Variants in ATAD2B observed in about 807,000 individuals in gnomAD.
ATAD2B encodes the protein ATPase family AAA domain containing 2B, also known as ATPase family AAA domain-containing protein 2B.
ATAD2B carries 40 observed loss-of-function variants against 167.6 expected under a neutral mutation model. The observed-to-expected ratio is 0.24, with a 90% CI of 0.19 to 0.31. The LOEUF is 0.31. ATAD2B is among the 10% of genes least tolerant of loss of function. The pLI, the probability that ATAD2B is intolerant of heterozygous loss-of-function variation, is 1.00. For missense variants in ATAD2B, 1,242 were observed against 1,757.2 expected (o/e 0.71, Z 5.24); for synonymous variants, 579 against 596.5 (o/e 0.97, Z 0.43).
the ATAD2B span, among the ~76,000 whole-genome samples, chr2:23,730,901 G>T: frequency 6.6e-6 from 1 of 150,858 alleles, no homozygotes; most frequent in African/African-American, 2.4e-5. Flanking sequence ...TAGTTTTTTT[G>T]AAAAGATAAA....
At chr2:23,798,965 G>A (rs1277673952) in intron 18 of ATAD2B, among the ~76,000 whole-genome samples, 2 of 152,120 alleles carry the variant, frequency 1.3e-5, no homozygotes, top group Non-Finnish European at 2.9e-5. Context: ...AGAAAATACA[G>A]AATGAATTTT....
Position 23,926,868 on chromosome 2 carries a change from C to A in ATAD2B, c.-98G>T. The A allele has an allele frequency of 7.3e-7, 1 of 1,378,874 alleles. No individual in the cohort carries two copies. Among genetic ancestry groups the A allele is most frequent in the Non-Finnish European group, 9.6e-7 (1 of 1,046,506 alleles). The allele number at this position is 1,378,874 out of a possible 1,614,324, so 85.4% of individuals were successfully genotyped here. On this transcript the variant is annotated 5_prime_UTR_variant, in exon 1 of 28. Transcript: ENST00000238789. The stretch of plus-strand genomic sequence containing the variant: ...TCAGGGCCAGCGGAGCCGAGCCGGG[C>A]AATGAGAGACGAGCCGGCCCGGAGC...
Position 23,762,204 on chromosome 2 carries a change from C to T in ATAD2B, c.3394+5G>A. The stretch of plus-strand genomic sequence containing the variant: ...CTACTGGATAACATGAGCTGAAATA[C>T]TCACATGCACATTTATTTGCAGAGT... On this transcript the variant is annotated splice_donor_5th_base_variant and intron_variant, in intron 24 of 27. Coordinates refer to ENST00000238789, the MANE Select transcript of ATAD2B (RefSeq NM_017552.4). The T allele has an allele frequency of 6.2e-7, 1 of 1,613,020 alleles. No individual in the cohort carries two copies. Among genetic ancestry groups the T allele is most frequent in the Non-Finnish European group, 8.5e-7 (1 of 1,179,410 alleles).
the ATAD2B span, chr2:23,695,979 G>C: frequency 3.9e-6 from 6 of 1,551,578 alleles, no homozygotes; most frequent in Non-Finnish European, 4.4e-6. This position sits in a 1 kb window ranked among gnomAD's most constrained non-coding sequence, Gnocchi z 7.6. Context: ...TCTTGGTTGG[G>C]GGCCGTCAGA....
At chr2:23,918,231 GT>G (rs1438913900) in intron 1 of ATAD2B, among the ~76,000 whole-genome samples, 2 of 148,092 alleles carry the variant, frequency 1.4e-5, no homozygotes, top group Non-Finnish European at 3.0e-5. Context: ...AAATAGCCAG[GT>G]GTGGTAACAC....
At chr2:23,925,681 A>T (rs1251926946) in intron 1 of ATAD2B, among the ~76,000 whole-genome samples, 1 of 152,256 alleles carries the variant, frequency 6.6e-6, no homozygotes, top group Non-Finnish European at 1.5e-5. Flanking sequence ...TAGGTAATAA[A>T]ATTTCAAGAT....
Position 23,757,758 on chromosome 2 carries a change from G to A in ATAD2B, c.3738C>T (p.Asn1246=). The change falls in exon 25 of 28, where the codon AAC becomes AAT. Residue 1246 remains asparagine (N), a synonymous_variant. Transcript: ENST00000238789. The part of the protein sequence containing the change: ...EESSNESLLV[N]SSSSLNPEQT... ...GCTCCGGGTTTAAGGAACTGCTGCT[G>A]TTGACCAGTAGAGATTCATTTGAAC... The A allele has an allele frequency of 3.8e-6, 6 of 1,598,476 alleles. No homozygotes were observed. Among genetic ancestry groups the A allele is most frequent in the Non-Finnish European group, 5.1e-6 (6 of 1,174,758 alleles).
chr2:23,776,340 C>T (rs1264546739), intron 22 of ATAD2B, among the ~76,000 whole-genome samples: 3 of 152,172 alleles, frequency 2.0e-5, no homozygotes, highest in African/African-American at 4.8e-5. Flanking sequence ...TATTTAATCC[C>T]TGCAGCCACT....
chr2:23,711,342 CTTTTTTTTTTTTTTTTTTTTTT>C, the ATAD2B span, among the ~76,000 whole-genome samples: 16 of 79,792 alleles, frequency 2.0e-4, no homozygotes, highest in Middle Eastern at 0.015. Flanking sequence ...GAATTTCTTT[CTTTTTTTTTTTTTTTTTTTTTT>C]TTTTTTTTTT....
At chr2:23,785,284 CTGTTCAAACATGGAGTCT>C (rs1680654126) in intron 21 of ATAD2B, among the ~76,000 whole-genome samples, 2 of 152,058 alleles carry the variant, frequency 1.3e-5, no homozygotes, top group African/African-American at 4.8e-5. Context: ...AACACCAAAG[CTGTTCAAACATGGAGTCT>C]GAACTATAAG....
At chr2:23,747,445 C>A (rs996622097), downstream of ATAD2B, among the ~76,000 whole-genome samples, 4 of 151,654 alleles carry the variant, frequency 2.6e-5, no homozygotes, top group Admixed American at 6.6e-5. Flanking sequence ...GTCACACACA[C>A]AAAAAAACAA....
At chr2:23,856,626 G>A (rs558932234) in intron 13 of ATAD2B, among the ~76,000 whole-genome samples, 6 of 151,686 alleles carry the variant, frequency 4.0e-5, no homozygotes, top group East Asian at 1.9e-4. Context: ...TTTGGGAGGC[G>A]GAGGCAGGCA....
chr2:23,810,179 CTAA>C, intron 18 of ATAD2B, 134 bp downstream of exon 18: 1 of 726,612 alleles, frequency 1.4e-6, no homozygotes, highest in Non-Finnish European at 2.1e-6. Flanking sequence ...TACTAGAATG[CTAA>C]TGAATAATCA....
chr2:23,859,570 A>C (rs1235871381), intron 12 of ATAD2B, among the ~76,000 whole-genome samples: 1 of 151,950 alleles, frequency 6.6e-6, no homozygotes, highest in Non-Finnish European at 1.5e-5. Flanking sequence ...AGGAAATGCA[A>C]ATATTTTTCT....
intron 13 of ATAD2B, among the ~76,000 whole-genome samples, chr2:23,843,266 G>C (rs1691215812): frequency 6.6e-6 from 1 of 152,118 alleles, no homozygotes; most frequent in Non-Finnish European, 1.5e-5. Context: ...GCAAAAATAA[G>C]TGAAGACTGA....
chr2:23,769,389 G>A (rs530844354), intron 22 of ATAD2B, among the ~76,000 whole-genome samples: 4 of 151,980 alleles, frequency 2.6e-5, no homozygotes, highest in Admixed American at 6.6e-5. Flanking sequence ...GCAGTGAGCC[G>A]AGACAGCGCC....
rs375336313 is a variant in ATAD2B, at chr2:23,778,028, G to C, written c.3133+4841C>G. 8.9e-4 allele frequency among the ~76,000 whole-genome samples: 135 copies of C among 152,140 alleles called. No homozygotes were observed. In the South Asian group the frequency reaches 0.021, roughly 23 times the overall value. On this transcript the variant is annotated intron_variant, in intron 22 of 27. Coordinates refer to ENST00000238789, the MANE Select transcript of ATAD2B (RefSeq NM_017552.4). ...ACTGTAAGCTTCCAAATACTCATGG[G>C]AACTTGTAAACGTAATACAACATTC...
chr2:23,874,323 T>A (rs760834424), intron 8 of ATAD2B, among the ~76,000 whole-genome samples: 1 of 151,930 alleles, frequency 6.6e-6, no homozygotes, highest in Non-Finnish European at 1.5e-5. Flanking sequence ...GAGGAAACCA[T>A]AGGAACAAAT....
intron 6 of ATAD2B, among the ~76,000 whole-genome samples, chr2:23,880,969 A>G (rs1435254792): frequency 6.6e-6 from 1 of 152,248 alleles, no homozygotes; most frequent in Non-Finnish European, 1.5e-5. Flanking sequence ...CAATACAATT[A>G]TCTGCTAAAT....
Sources: allele counts gnomAD v4.1 joint callset (sites outside exome capture counted in the v4.1 genomes callset), GRCh38; gene constraint gnomAD v4.1.1; non-coding constraint Gnocchi (gnomAD v3.1); transcripts MANE v1.5; gene names NCBI Gene and HGNC (gene_info 2026-07-23, HGNC 2026-07-21).